EPB41L5: variants seen among roughly 807,000 people sequenced by gnomAD.
EPB41L5 encodes the protein band 4.1-like protein 5.
In EPB41L5, 55 loss-of-function variants were observed where a neutral mutation model predicts 106.6. The observed-to-expected ratio is 0.52, with a 90% CI of 0.42 to 0.65. The LOEUF (loss-of-function observed/expected upper bound fraction) is 0.65. Among genes scored for constraint, EPB41L5 ranks in the 30% least tolerant of loss-of-function variants. The pLI is 0.00. For missense variants in EPB41L5, 871 were observed against 882.1 expected, an observed-to-expected ratio of 0.99 and a Z score of 0.16; for synonymous variants, 297 against 306.7, an observed-to-expected ratio of 0.97 and a Z score of 0.33.
intron 3 of EPB41L5, among the ~76,000 whole-genome samples, chr2:120,061,031 GTTT>G (rs375754153): frequency 4.3e-5 from 3 of 69,098 alleles, no homozygotes; most frequent in Admixed American, 2.2e-4. Context: ...GTTCAGGGAA[GTTT>G]TTTTTTTTTT....
At chr2:120,087,733 C>T (rs980886268) in intron 11 of EPB41L5, among the ~76,000 whole-genome samples, 23 of 152,214 alleles carry the variant, frequency 1.5e-4, no homozygotes, top group African/African-American at 5.1e-4. Context: ...AAGTAATCCT[C>T]CCATCTTAGC....
chr2:120,112,472 T>C (rs185611927), intron 16 of EPB41L5, among the ~76,000 whole-genome samples: 1 of 152,338 alleles, frequency 6.6e-6, no homozygotes, highest in East Asian at 1.9e-4. Context: ...TCAAGAAATT[T>C]ATACTCAAAC....
chr2:120,085,744 A>G (rs569631714), intron 10 of EPB41L5, among the ~76,000 whole-genome samples: 9 of 152,292 alleles, frequency 5.9e-5, no homozygotes, highest in African/African-American at 2.2e-4. Context: ...TCAGGCAATT[A>G]TCTTCCAATT....
intron 8 of EPB41L5, 39 bp downstream of exon 8, chr2:120,077,130 C>T: frequency 6.3e-7 from 1 of 1,599,156 alleles, no homozygotes; most frequent in Non-Finnish European, 8.5e-7. Context: ...AAAATCACCA[C>T]AACAGTTATT....
chr2:120,021,582 A>G (rs1677933357), intron 2 of EPB41L5, among the ~76,000 whole-genome samples: 1 of 152,180 alleles, frequency 6.6e-6, no homozygotes, highest in African/African-American at 2.4e-5. Flanking sequence ...CAGAGGTTGC[A>G]GCGAGCTGAA....
At chr2:120,091,090 T>C (rs1481277682) in intron 12 of EPB41L5, among the ~76,000 whole-genome samples, 1 of 152,110 alleles carries the variant, frequency 6.6e-6, no homozygotes, top group African/African-American at 2.4e-5. Flanking sequence ...TCTACTTATA[T>C]TAAAAGTAAG....
rs535887990 is a variant in EPB41L5, at chr2:120,176,003, T to A, written c.*1096T>A. On this transcript the variant is annotated 3_prime_UTR_variant, in exon 25 of 25. Coordinates refer to ENST00000263713, the MANE Select transcript of EPB41L5 (RefSeq NM_020909.4). ...GAAAGAACCTGCATTGCACTAGGAA[T>A]TCTGTGTTAGTTTAAAAGAGATCTC... The A allele has an allele frequency of 2.6e-5, 4 of 152,662 alleles. No individual in the cohort carries two copies. Among genetic ancestry groups the A allele is most frequent in the African/African-American group, 9.6e-5 (4 of 41,576 alleles). 9.5% of individuals were successfully genotyped at this position (152,662 alleles called of 1,614,324 possible).
At chr2:120,070,784 A>G (rs866207797) in intron 3 of EPB41L5, among the ~76,000 whole-genome samples, 1 of 152,200 alleles carries the variant, frequency 6.6e-6, no homozygotes, top group Non-Finnish European at 1.5e-5. Context: ...ATAAAATTCA[A>G]CAGCCCTTCA....
intron 20 of EPB41L5, among the ~76,000 whole-genome samples, chr2:120,156,765 T>C (rs1686920606): frequency 6.6e-6 from 1 of 152,146 alleles, no homozygotes; most frequent in Non-Finnish European, 1.5e-5. Context: ...ATGCACCCAA[T>C]ACAGGAGCAC....
intron 19 of EPB41L5, 101 bp downstream of exon 19, chr2:120,143,232 G>A (rs1686262931): frequency 7.9e-7 from 1 of 1,270,274 alleles, no homozygotes; most frequent in South Asian, 1.7e-5. Flanking sequence ...TAGATTAATG[G>A]TGCAGTCAGG....
In EPB41L5 at chr2:120,123,715, T is replaced by C. The variant is rs900835389; in HGVS notation, c.1338-3973T>C. Among the ~76,000 whole-genome samples the C allele has an allele frequency of 5.1e-5, 7 of 137,722 alleles. No homozygotes were observed. In the South Asian group the frequency reaches 1.4e-3, roughly 28 times the overall value. The allele number at this position is 137,722 out of a possible 152,430, so 90.4% of individuals were successfully genotyped here. ...TCCTGTTGCCCAGGCTAGAGTGTAG[T>C]GGCACAATCTCGCCTCACTGCAGCC... On this transcript the variant is annotated intron_variant, in intron 16 of 24. Coordinates refer to ENST00000263713, the MANE Select transcript of EPB41L5 (RefSeq NM_020909.4).
At position 120,049,655 on chromosome 2, in the gene EPB41L5, C is replaced by G. The variant is rs374701607; in HGVS notation, c.285+7545C>G. On this transcript the variant is annotated intron_variant, in intron 3 of 24. Transcript: ENST00000263713. ...GTGTCTTTTAATTGGAGCATTTAGC[C>G]CATTTACGTTTAAGGTTAATATTGC... 1.1e-4 allele frequency among the ~76,000 whole-genome samples: 16 copies of G among 152,184 alleles called. No individual in the cohort carries two copies. The South Asian group carries it at 2.7e-3, about 26-fold the overall frequency.
At chr2:120,148,143 C>G (rs897959390) in intron 20 of EPB41L5, among the ~76,000 whole-genome samples, 15 of 152,028 alleles carry the variant, frequency 9.9e-5, no homozygotes, top group African/African-American at 3.6e-4. Flanking sequence ...AGATTTAGAT[C>G]ATTTTTCTTT....
chr2:120,071,487 A>G (rs1323083095), intron 3 of EPB41L5, among the ~76,000 whole-genome samples: 2 of 152,206 alleles, frequency 1.3e-5, no homozygotes, highest in Non-Finnish European at 2.9e-5. Context: ...CCTAAGCAAA[A>G]AGAACGAAGC....
At chr2:120,057,197 C>G (rs1680715540) in intron 3 of EPB41L5, among the ~76,000 whole-genome samples, 1 of 152,138 alleles carries the variant, frequency 6.6e-6, no homozygotes, top group Non-Finnish European at 1.5e-5. Flanking sequence ...GCTGTGTTTT[C>G]TCTAAAGGCC....
intron 18 of EPB41L5, among the ~76,000 whole-genome samples, chr2:120,136,089 G>A (rs1361680447): frequency 6.6e-6 from 1 of 150,988 alleles, no homozygotes; most frequent in Admixed American, 6.6e-5. Flanking sequence ...AAAAAGCTGG[G>A]GGTGGGGGTG....
intron 5 of EPB41L5, 78 bp from the exon 6 acceptor site, chr2:120,075,398 C>T (rs1682159535): frequency 8.5e-6 from 9 of 1,054,344 alleles, no homozygotes; most frequent in Non-Finnish European, 1.2e-5. Context: ...AATAATACTT[C>T]TCAAGTTAGA....
chr2:120,106,328 G>A (rs1684451494), intron 16 of EPB41L5: 1 of 985,276 alleles, frequency 1.0e-6, no homozygotes, highest in Non-Finnish European at 1.2e-6. Flanking sequence ...GTTCCCATAT[G>A]CTTCAGAATT....
At chr2:120,018,938 A>G in intron 1 of EPB41L5, 139 bp from the exon 2 acceptor site, 1 of 724,406 alleles carries the variant, frequency 1.4e-6, no homozygotes, top group South Asian at 1.9e-5. Context: ...GAGTCACTGC[A>G]CCCAGCCCAG....
Sources: gnomAD v4.1 joint callset for allele counts (sites outside exome capture counted in the v4.1 genomes callset) on GRCh38, gnomAD v4.1.1 for gene constraint, MANE v1.5 for transcripts, NCBI Gene and HGNC (gene_info 2026-07-23, HGNC 2026-07-21) for gene names.